CLASP1: variants seen among roughly 807,000 people sequenced by gnomAD.
CLASP1 encodes CLIP-associating protein 1.
Under a neutral mutation model 192.3 loss-of-function variants are expected in CLASP1, and 38 were observed. The ratio of observed to expected loss-of-function variants is 0.20; its 90% CI spans 0.15 to 0.26. CLASP1 has a LOEUF of 0.26. Among genes scored for constraint, CLASP1 ranks in the 10% least tolerant of loss-of-function variants. The pLI, the probability that CLASP1 is intolerant of heterozygous loss-of-function variation, is 1.00. For missense variants in CLASP1, 1,433 were observed against 1,932.5 expected, an observed-to-expected ratio of 0.74 and a Z score of 4.85; for synonymous variants, 691 against 712.8, an observed-to-expected ratio of 0.97 and a Z score of 0.49.
chr2:121,340,812 G>C (rs1305253270), exon 40 of CLASP1: 8 of 1,422,400 alleles, frequency 5.6e-6, no homozygotes, highest in Non-Finnish European at 7.8e-6. Context: ...AGGTCTCTGA[G>C]AGGCACCACC....
exon 23 of CLASP1, chr2:121,418,658 G>C (rs754074342): frequency 6.2e-7 from 1 of 1,613,854 alleles, no homozygotes; most frequent in African/African-American, 1.3e-5. Context: ...CTTGTATCTC[G>C]GCTGCTCTCA....
chr2:121,416,547 G>A (rs1410879812), intron 23 of CLASP1, among the ~76,000 whole-genome samples: 1 of 152,100 alleles, frequency 6.6e-6, no homozygotes, highest in Non-Finnish European at 1.5e-5. Context: ...ACCTTCAGAG[G>A]ATGTGTAGTA....
In CLASP1 at chr2:121,479,195, C is replaced by G. The variant is rs140030836; in HGVS notation, c.713-9235G>C. Among the ~76,000 whole-genome samples the G allele has an allele frequency of 2.0e-5, 3 of 151,016 alleles. No homozygotes were observed. The East Asian group carries it at 5.8e-4, about 29-fold the overall frequency. On this transcript the variant is annotated intron_variant, in intron 8 of 39. Transcript: ENST00000263710. ...AGACGTGCTAGCCAGGGAAATCCGACCAGAAAAAGAAAAAAAAAAAGCATG... is the reference window on the plus strand; with the variant it reads ...AGACGTGCTAGCCAGGGAAATCCGAGCAGAAAAAGAAAAAAAAAAAGCATG...
chr2:121,556,734 G>C (rs922134169), intron 2 of CLASP1, among the ~76,000 whole-genome samples: 2 of 152,280 alleles, frequency 1.3e-5, no homozygotes, highest in East Asian at 3.9e-4. Context: ...AAATCCCACT[G>C]ACAGGCCTTA....
intron 8 of CLASP1, among the ~76,000 whole-genome samples, chr2:121,471,573 T>G (rs2090742975): frequency 6.6e-6 from 1 of 152,032 alleles, no homozygotes; most frequent in Non-Finnish European, 1.5e-5. Context: ...TTAAGCTAAA[T>G]TATCAACAGC....
chr2:121,638,132 A>G (rs1435016036), intron 1 of CLASP1, among the ~76,000 whole-genome samples: 1 of 152,100 alleles, frequency 6.6e-6, no homozygotes, highest in Non-Finnish European at 1.5e-5. Flanking sequence ...CAAACAATCC[A>G]ATTTAAAAAT....
chr2:121,604,946 C>T (rs1047742296), intron 2 of CLASP1, among the ~76,000 whole-genome samples: 54 of 152,142 alleles, frequency 3.5e-4, no homozygotes, highest in African/African-American at 1.3e-3. Context: ...AAAGGGGCCA[C>T]CCTCTAGGGA....
intron 2 of CLASP1, among the ~76,000 whole-genome samples, chr2:121,587,756 G>A (rs1257757221): frequency 6.6e-6 from 1 of 151,770 alleles, no homozygotes. Context: ...GCTTGAACCC[G>A]GGAGGCGGAG....
chr2:121,477,685 T>G (rs893970346), intron 8 of CLASP1, among the ~76,000 whole-genome samples: 63 of 152,242 alleles, frequency 4.1e-4, no homozygotes, highest in Non-Finnish European at 8.8e-5. Context: ...ATTGTGACAC[T>G]TTGTGCATAG....
chr2:121,510,029 T>C (rs930063756), intron 7 of CLASP1, among the ~76,000 whole-genome samples: 3 of 152,096 alleles, frequency 2.0e-5, no homozygotes, highest in Non-Finnish European at 4.4e-5. Flanking sequence ...AGAAAATACT[T>C]TGAGATAAAT....
At chr2:121,531,062 A>G (rs933648933) in intron 2 of CLASP1, 2 of 693,710 alleles carry the variant, frequency 2.9e-6, no homozygotes, top group Admixed American at 2.0e-5. Flanking sequence ...TTCGTAAATA[A>G]ACTAGTACTT....
chr2:121,527,545 A>G (rs2094604276), intron 5 of CLASP1, among the ~76,000 whole-genome samples: 1 of 152,158 alleles, frequency 6.6e-6, no homozygotes, highest in Non-Finnish European at 1.5e-5. Context: ...GCAGTTGTAT[A>G]TACACACAAA....
chr2:121,430,015 G>T, intron 20 of CLASP1, 58 bp downstream of exon 20: 1 of 1,284,364 alleles, frequency 7.8e-7, no homozygotes, highest in Non-Finnish European at 1.1e-6. Context: ...ATGTTCAACT[G>T]CAGAATGAGC....
chr2:121,387,069 A>G lies in CLASP1; in HGVS notation c.3374+53T>C, dbSNP rs202170207. 815 of 1,409,944 alleles carry G rather than the reference A, an allele frequency of 5.8e-4. 3 individuals are homozygous for G. The African/African-American group carries it at 6.4e-3, about 11-fold the overall frequency. The allele number at this position is 1,409,944 out of a possible 1,614,324, so 87.3% of individuals were successfully genotyped here. On this transcript the variant is annotated intron_variant, in intron 32 of 39. Transcript: ENST00000263710. ...AAATCTAGAAATAGGATGCACAGCA[A>G]TTAAGGTGCTTTAGTTTCTTTACAT...
intron 35 of CLASP1, among the ~76,000 whole-genome samples, chr2:121,367,003 A>T (rs1299152687): frequency 6.6e-6 from 1 of 152,224 alleles, no homozygotes; most frequent in Non-Finnish European, 1.5e-5. Flanking sequence ...TTCTGACCCC[A>T]TACTTAGCTT....
intron 23 of CLASP1, among the ~76,000 whole-genome samples, chr2:121,411,600 TAA>T (rs1185032655): frequency 6.6e-6 from 1 of 152,150 alleles, no homozygotes; most frequent in East Asian, 1.9e-4. Flanking sequence ...TTAGATAATA[TAA>T]GTTTTACCTG....
chr2:121,432,428 C>G (rs1300373755), intron 19 of CLASP1, among the ~76,000 whole-genome samples: 1 of 152,146 alleles, frequency 6.6e-6, no homozygotes, highest in East Asian at 1.9e-4. Context: ...CTGTGATTAG[C>G]CTTTTTTAAA....
In CLASP1 at chr2:121,485,780, C is replaced by A. The variant is rs190836579; in HGVS notation, c.713-15820G>T. The stretch of plus-strand genomic sequence containing the variant: ...GCTACTACAGGCATGGTCCACCACA[C>A]CAGCTCACATACCCTTTGTGTATGC... On this transcript the variant is annotated intron_variant, in intron 8 of 39. Coordinates refer to ENST00000263710, the Ensembl canonical transcript of CLASP1. Among the ~76,000 whole-genome samples, 171 of 152,314 alleles carry A rather than the reference C, an allele frequency of 1.1e-3. 3 individuals carry two copies. Among genetic ancestry groups the A allele is most frequent in the Admixed American group, 0.011 (171 of 15,296 alleles).
intron 4 of CLASP1, 90 bp from the exon 5 acceptor site, chr2:121,527,980 A>C: frequency 1.0e-6 from 1 of 961,316 alleles, no homozygotes; most frequent in Non-Finnish European, 1.6e-6. Flanking sequence ...CCTCTTAACG[A>C]GCGCCAAATT....
Sources: gnomAD v4.1 joint callset for allele counts (sites outside exome capture counted in the v4.1 genomes callset) on GRCh38, gnomAD v4.1.1 for gene constraint, MANE v1.5 for transcripts, NCBI Gene and HGNC (gene_info 2026-07-23, HGNC 2026-07-21) for gene names.